UNC5A: variants seen among roughly 807,000 people sequenced by gnomAD.
UNC5A encodes the protein unc-5 netrin receptor A.
A neutral mutation model predicts 87.4 loss-of-function variants in UNC5A; 20 were observed. The observed-to-expected ratio is 0.23, with a 90% CI of 0.16 to 0.33. The LOEUF is 0.33. Among genes scored for constraint, UNC5A ranks in the 10% least tolerant of loss-of-function variants. UNC5A has a pLI of 1.00. For missense variants in UNC5A, 844 were observed against 1,133.4 expected, an observed-to-expected ratio of 0.74 and a Z score of 3.67; for synonymous variants, 438 against 482.3, an observed-to-expected ratio of 0.91 and a Z score of 1.20.
Position 176,848,184 on chromosome 5 carries a change from C to A in UNC5A, c.71-14440C>A, listed in dbSNP as rs935034672. On this transcript the variant is annotated intron_variant, in intron 1 of 14. Coordinates refer to ENST00000329542, the MANE Select transcript of UNC5A (RefSeq NM_133369.3). This position sits in a 1 kb window ranked among gnomAD's most constrained non-coding sequence, Gnocchi z 5.8. ...TCATTTCCACGTTAGCACCACCGCC[C>A]CCCGCACCCAGATCCCTCCGCCCCT... Among the ~76,000 whole-genome samples, 20 of 152,112 alleles carry A rather than the reference C, an allele frequency of 1.3e-4. No individual in the cohort carries two copies. Among genetic ancestry groups the A allele is most frequent in the African/African-American group, 4.8e-4 (20 of 41,400 alleles).
chr5:176,878,105 A>G lies in UNC5A; in HGVS notation c.1847A>G (p.His616Arg), dbSNP rs751812330. 6.8e-6 allele frequency: 11 copies of G among 1,609,064 alleles called. No homozygotes were observed. The Admixed American group carries it at 1.7e-4, about 24-fold the overall frequency. ...LEYNIRVYCL[H>R]DTHDALKEVV... Reference sequence around the variant, plus strand: ...TACAACATCCGGGTCTACTGCCTGCATGACACCCACGATGCACTCAAGGTA... The same window carrying G: ...TACAACATCCGGGTCTACTGCCTGCGTGACACCCACGATGCACTCAAGGTA... The change falls in exon 11 of 15, where the codon CAT becomes CGT. Residue 616 changes from histidine (H) to arginine (R), a missense_variant. By Grantham distance (29) the His-to-Arg change is conservative. Coordinates refer to ENST00000329542, the MANE Select transcript of UNC5A (RefSeq NM_133369.3).
rs1308133034 is a variant in UNC5A, at chr5:176,848,826, G to T, written c.71-13798G>T. Reference sequence around the variant, plus strand: ...GCGGCCTGGGCCCTGCGCGTCTCGGGATTGCAGCTTCTCCCCTCTCGGCCT... The same window carrying T: ...GCGGCCTGGGCCCTGCGCGTCTCGGTATTGCAGCTTCTCCCCTCTCGGCCT... On this transcript the variant is annotated intron_variant, in intron 1 of 14. Transcript: ENST00000329542. The surrounding 1 kb of genome is among the most constrained non-coding windows in gnomAD (Gnocchi z 5.8). Among the ~76,000 whole-genome samples, 1 of 152,210 alleles carries T rather than the reference G, an allele frequency of 6.6e-6. No homozygotes were observed. The highest frequency in any genetic ancestry group is 1.5e-5 in the Non-Finnish European group (1 of 68,032).
chr5:176,873,550 C>T (rs1758182181), intron 6 of UNC5A, among the ~76,000 whole-genome samples: 2 of 152,184 alleles, frequency 1.3e-5, no homozygotes, highest in Admixed American at 6.5e-5. Flanking sequence ...TAGGCACTGA[C>T]CTGGAACCAC....
chr5:176,833,552 CTT>C (rs1472016457), intron 1 of UNC5A, among the ~76,000 whole-genome samples: 2 of 152,190 alleles, frequency 1.3e-5, no homozygotes, highest in Non-Finnish European at 2.9e-5. Context: ...AGCCCACAAT[CTT>C]TAGGCCATGG....
intron 1 of UNC5A, among the ~76,000 whole-genome samples, chr5:176,823,329 A>G (rs571429024): frequency 5.3e-5 from 8 of 152,154 alleles, no homozygotes; most frequent in Non-Finnish European, 1.0e-4. Flanking sequence ...CTGCCAGGCT[A>G]TGTGCAGAGT....
chr5:176,828,002 G>A (rs691876), intron 1 of UNC5A, among the ~76,000 whole-genome samples: 114,239 of 151,844 alleles, frequency 0.75, 49,635 homozygotes, highest in Non-Finnish European at 0.95. Context: ...GGTCAGAGCG[G>A]GTCTGGGCCT....
intron 1 of UNC5A, among the ~76,000 whole-genome samples, chr5:176,819,701 G>T (rs914651657): frequency 6.6e-6 from 1 of 152,226 alleles, no homozygotes; most frequent in Non-Finnish European, 1.5e-5. Flanking sequence ...GCCCAGTTGT[G>T]TGAGCCAATC....
rs373776635 is a variant in UNC5A at position 176,879,900 on chromosome 5, C to T, written c.*14C>T. 61 of 1,606,934 alleles carry T rather than the reference C, an allele frequency of 3.8e-5. No homozygotes were observed. Among genetic ancestry groups the T allele is most frequent in the African/African-American group, 5.3e-5 (4 of 74,818 alleles). On this transcript the variant is annotated 3_prime_UTR_variant, in exon 15 of 15. Transcript: ENST00000329542. ...GCTGAGTGCTGAGGCCGGCCAGGCCCGACACCTACACTCTCACCAGCTTTG... is the reference window on the plus strand; with the variant it reads ...GCTGAGTGCTGAGGCCGGCCAGGCCTGACACCTACACTCTCACCAGCTTTG...
chr5:176,863,900 A>G (rs1757909738), intron 2 of UNC5A, among the ~76,000 whole-genome samples: 1 of 143,720 alleles, frequency 7.0e-6, no homozygotes, highest in Non-Finnish European at 1.5e-5. Flanking sequence ...AGCCTGTTTC[A>G]GTTTCCTCTC....
At chr5:176,828,522 A>G (rs901061801) in intron 1 of UNC5A, among the ~76,000 whole-genome samples, 1 of 152,084 alleles carries the variant, frequency 6.6e-6, no homozygotes, top group Non-Finnish European at 1.5e-5. Context: ...CAGCCCCCCC[A>G]TCTTCCCCTG....
chr5:176,868,311 C>G, intron 3 of UNC5A, 38 bp downstream of exon 3: 4 of 1,609,444 alleles, frequency 2.5e-6, no homozygotes, highest in Non-Finnish European at 3.4e-6. Flanking sequence ...GGGCGCACGG[C>G]GGGAGGGTGT....
chr5:176,846,601 G>T (rs1240289447), intron 1 of UNC5A, among the ~76,000 whole-genome samples: 3 of 152,112 alleles, frequency 2.0e-5, no homozygotes, highest in African/African-American at 7.2e-5. Context: ...GCCCTTGTCT[G>T]ACTGAACTCT....
At chr5:176,851,953 G>A (rs1332099993) in intron 1 of UNC5A, among the ~76,000 whole-genome samples, 1 of 152,178 alleles carries the variant, frequency 6.6e-6, no homozygotes, top group Non-Finnish European at 1.5e-5. Context: ...TGCCATGGTC[G>A]CTGTGTGTCC....
chr5:176,845,355 G>A (rs959982852), intron 1 of UNC5A, among the ~76,000 whole-genome samples: 1 of 152,192 alleles, frequency 6.6e-6, no homozygotes. Flanking sequence ...AATCCAGCCC[G>A]TGCTGCCACC....
Position 176,869,097 on chromosome 5 carries a change from T to G in UNC5A, c.721+133T>G, listed in dbSNP as rs1758046751. On this transcript the variant is annotated intron_variant, in intron 5 of 14. Coordinates refer to ENST00000329542, the MANE Select transcript of UNC5A (RefSeq NM_133369.3). The surrounding 1 kb of genome is among the most constrained non-coding windows in gnomAD (Gnocchi z 9.1). ...CCAGATCGTGCCTGACTAGGCAGGA[T>G]AAGCAAAGGGCTCTCTGTGACTGCT... The G allele has an allele frequency of 2.9e-6, 3 of 1,033,554 alleles. No individual in the cohort carries two copies. The highest frequency in any genetic ancestry group is 4.1e-6 in the Non-Finnish European group (3 of 735,790). The allele number at this position is 1,033,554 out of a possible 1,614,324, so 64.0% of individuals were successfully genotyped here.
At chr5:176,835,651 G>A (rs544756955) in intron 1 of UNC5A, among the ~76,000 whole-genome samples, 9 of 152,314 alleles carry the variant, frequency 5.9e-5, no homozygotes, top group East Asian at 3.9e-4. Flanking sequence ...AAGTGTGGGC[G>A]TGGGTGTGAA....
At chr5:176,846,086 G>C (rs1757396577) in intron 1 of UNC5A, among the ~76,000 whole-genome samples, 2 of 152,248 alleles carry the variant, frequency 1.3e-5, no homozygotes, top group South Asian at 2.1e-4. Context: ...GTCATCTGGG[G>C]TAGCCACATA....
At chr5:176,849,322 C>T (rs1254264834) in intron 1 of UNC5A, among the ~76,000 whole-genome samples, 3 of 152,198 alleles carry the variant, frequency 2.0e-5, no homozygotes, top group Admixed American at 6.5e-5. Flanking sequence ...CAGTGGCTCA[C>T]GCCTGTAATC....
rs374741775 is a variant in UNC5A at position 176,834,037 on chromosome 5, A to G, written c.70+23217A>G. ...CAGCCTCTTATTCTCTCATTCATCA[A>G]CTTAGGTCTTCAGTAAATGTTTGTG... On this transcript the variant is annotated intron_variant, in intron 1 of 14. Coordinates refer to ENST00000329542, the MANE Select transcript of UNC5A (RefSeq NM_133369.3). 9.9e-5 allele frequency among the ~76,000 whole-genome samples: 15 copies of G among 152,008 alleles called. No individual in the cohort carries two copies. In the East Asian group the frequency reaches 1.9e-3, roughly 20 times the overall value.
Sources: gnomAD v4.1 joint callset for allele counts (sites outside exome capture counted in the v4.1 genomes callset) on GRCh38, gnomAD v4.1.1 for gene constraint, Gnocchi (gnomAD v3.1) non-coding constraint, MANE v1.5 for transcripts, NCBI Gene and HGNC (gene_info 2026-07-23, HGNC 2026-07-21) for gene names.